NOS1: variants seen among roughly 807,000 people sequenced by gnomAD.
NOS1 encodes nitric oxide synthase 1.
NOS1 carries 51 observed loss-of-function variants against 164.5 expected under a neutral mutation model. The observed-to-expected ratio is 0.31, with a 90% CI of 0.25 to 0.39. The LOEUF is 0.39. Among genes scored for constraint, NOS1 ranks in the 10% least tolerant of loss-of-function variants. The probability of loss-of-function intolerance (pLI) is 1.00; values close to 1 mark genes in which losing one functional copy is unlikely to be tolerated. For missense variants in NOS1, 1,362 were observed against 1,885.6 expected, an observed-to-expected ratio of 0.72 and a Z score of 5.14; for synonymous variants, 719 against 745.8, an observed-to-expected ratio of 0.96 and a Z score of 0.59.
intron 11 of NOS1, among the ~76,000 whole-genome samples, chr12:117,266,666 T>C (rs1872444708): frequency 6.6e-6 from 1 of 151,912 alleles, no homozygotes; most frequent in African/African-American, 2.4e-5. Context: ...GCCTCCTGAG[T>C]AGCTGGGATT....
At chr12:117,278,333 A>T (rs993545710) in intron 8 of NOS1, among the ~76,000 whole-genome samples, 12 of 152,184 alleles carry the variant, frequency 7.9e-5, no homozygotes. Flanking sequence ...AATAGCAAAA[A>T]CCACAATTAT....
intron 10 of NOS1, among the ~76,000 whole-genome samples, chr12:117,268,693 C>A (rs1272642668): frequency 6.7e-6 from 1 of 148,802 alleles, no homozygotes; most frequent in African/African-American, 2.5e-5. Flanking sequence ...GGGTTCATGC[C>A]ATTCTCCTGC....
chr12:117,259,625 C>T (rs1423242691), intron 14 of NOS1, among the ~76,000 whole-genome samples: 1 of 152,156 alleles, frequency 6.6e-6, no homozygotes, highest in Non-Finnish European at 1.5e-5. Context: ...AAGATGATTG[C>T]CCTGTGTCTC....
intron 3 of NOS1, among the ~76,000 whole-genome samples, chr12:117,293,151 C>T (rs762541064): frequency 2.0e-5 from 3 of 152,120 alleles, no homozygotes; most frequent in Non-Finnish European, 2.9e-5. Flanking sequence ...GCATTCATGG[C>T]GCCATGTTGG....
At chr12:117,269,835 A>G (rs1421577687) in intron 10 of NOS1, among the ~76,000 whole-genome samples, 1 of 152,146 alleles carries the variant, frequency 6.6e-6, no homozygotes, top group African/African-American at 2.4e-5. Flanking sequence ...AAAGCTCTTC[A>G]TCTATCCTAC....
chr12:117,225,517 A>G (rs9658509), intron 24 of NOS1, among the ~76,000 whole-genome samples: 1 of 152,222 alleles, frequency 6.6e-6, no homozygotes, highest in Non-Finnish European at 1.5e-5. Flanking sequence ...CCAGGAGTAC[A>G]TGTGAGTTGT....
chr12:117,273,071 T>C (rs1449823311), intron 9 of NOS1, among the ~76,000 whole-genome samples: 1 of 152,188 alleles, frequency 6.6e-6, no homozygotes, highest in Non-Finnish European at 1.5e-5. Flanking sequence ...CATACTTTAA[T>C]TGTCAGCTAA....
chr12:117,279,972 G>A lies in NOS1; in HGVS notation c.1524+753C>T, dbSNP rs9658368. Among the ~76,000 whole-genome samples, 1,374 of 152,374 alleles carry A rather than the reference G, an allele frequency of 9.0e-3. 14 individuals are homozygous for A. The highest frequency in any genetic ancestry group is 0.015 in the Non-Finnish European group (1,017 of 68,042). On this transcript the variant is annotated intron_variant, in intron 8 of 28. Coordinates refer to ENST00000317775, the MANE Select transcript of NOS1 (RefSeq NM_000620.5). ...CCCGGGAGGGGCTTGAGCAAAGGAC[G>A]ACGGTGAAATTCAGCGGGGTATTAT... is the stretch of plus-strand genomic sequence containing the variant.
chr12:117,341,823 G>A (rs1232687154), intron 1 of NOS1, among the ~76,000 whole-genome samples: 1 of 152,130 alleles, frequency 6.6e-6, no homozygotes, highest in Non-Finnish European at 1.5e-5. Context: ...CCTTAAAGAT[G>A]GAAACCAATA....
intron 3 of NOS1, among the ~76,000 whole-genome samples, chr12:117,299,639 AAAAAAAAAAAG>A (rs1197114796): frequency 6.9e-6 from 1 of 145,338 alleles, no homozygotes; most frequent in Non-Finnish European, 1.5e-5. Context: ...TGTCTCCAAA[AAAAAAAAAAAG>A]AAAAAAAGAA....
intron 14 of NOS1, 41 bp downstream of exon 14, chr12:117,260,424 A>G (rs759688257): frequency 6.2e-7 from 1 of 1,604,334 alleles, no homozygotes; most frequent in Non-Finnish European, 8.5e-7. Context: ...GCCTTAATTC[A>G]CCATGAGAAG....
intron 17 of NOS1, 84 bp downstream of exon 17, chr12:117,253,554 C>G: frequency 1.1e-6 from 1 of 907,194 alleles, no homozygotes; most frequent in Non-Finnish European, 1.8e-6. Flanking sequence ...CTCTCCACAA[C>G]GAAGCGCTCA....
At chr12:117,265,698 C>T (rs1566048022) in intron 11 of NOS1, among the ~76,000 whole-genome samples, 188 bp from the exon 12 acceptor site, 1 of 152,174 alleles carries the variant, frequency 6.6e-6, no homozygotes, top group Admixed American at 6.5e-5. Flanking sequence ...AGAAAGTCTT[C>T]GTTGGGTGCT....
Position 117,208,904 on chromosome 12 carries a change from G to T in NOS1, c.*6405C>A. 1.6e-6 allele frequency: 1 copy of T among 633,520 alleles called. No individual in the cohort carries two copies. Among genetic ancestry groups the T allele is most frequent in the Non-Finnish European group, 2.0e-6 (1 of 508,194 alleles). The allele number at this position is 633,520 out of a possible 1,614,324, so 39.2% of individuals were successfully genotyped here. Reference sequence around the variant, plus strand: ...CGCCGGGCTGATTTTTGTATTTTTAGTAGAGACGAGGTTTTGCCATGTTAG... The same window carrying T: ...CGCCGGGCTGATTTTTGTATTTTTATTAGAGACGAGGTTTTGCCATGTTAG... On this transcript the variant is annotated 3_prime_UTR_variant, in exon 29 of 29. Transcript: ENST00000317775.
chr12:117,305,847 A>G (rs1874116236), intron 3 of NOS1, among the ~76,000 whole-genome samples: 1 of 147,906 alleles, frequency 6.8e-6, no homozygotes, highest in Admixed American at 6.8e-5. Context: ...GCTGGAGTGC[A>G]GTGGTGCAGT....
At chr12:117,248,567 G>A (rs1276663144) in intron 17 of NOS1, among the ~76,000 whole-genome samples, 1 of 151,106 alleles carries the variant, frequency 6.6e-6, no homozygotes, top group Non-Finnish European at 1.5e-5. Context: ...TGGTGTATAT[G>A]TGCCACATTT....
Position 117,330,865 on chromosome 12 carries a change from C to T in NOS1, c.205G>A (p.Gly69Ser), listed in dbSNP as rs777633286. 2.9e-5 allele frequency: 47 copies of T among 1,614,014 alleles called. No homozygotes were observed. Among genetic ancestry groups the T allele is most frequent in the Non-Finnish European group, 3.5e-5 (41 of 1,180,020 alleles). ...TAGCTCAGGTCCACCAAGGGCCGGCCGTTGACCGCAAGAATGATGTCTCCG... is the reference window on the plus strand; with the variant it reads ...TAGCTCAGGTCCACCAAGGGCCGGCTGTTGACCGCAAGAATGATGTCTCCG... ...QAGDIILAVN[G>S]RPLVDLSYDS... The change falls in exon 2 of 29, where the codon GGC (glycine) becomes AGC (serine). Residue 69 changes from glycine to serine, a missense_variant. Coordinates refer to ENST00000317775, the MANE Select transcript of NOS1 (RefSeq NM_000620.5). This position sits in a 1 kb window ranked among gnomAD's most constrained non-coding sequence, Gnocchi z 4.6.
At chr12:117,358,359 T>C (rs909184718) in intron 1 of NOS1, among the ~76,000 whole-genome samples, 2 of 152,102 alleles carry the variant, frequency 1.3e-5, no homozygotes, top group African/African-American at 4.8e-5. Flanking sequence ...CGTGCGGTCC[T>C]TCCCCAAGGA....
intron 3 of NOS1, among the ~76,000 whole-genome samples, chr12:117,293,722 A>G (rs985968388): frequency 7.3e-5 from 11 of 151,488 alleles, no homozygotes; most frequent in Non-Finnish European, 1.6e-4. Context: ...TTGTATTATT[A>G]TTACTTATAT....
Sources: allele counts gnomAD v4.1 joint callset (sites outside exome capture counted in the v4.1 genomes callset), GRCh38; gene constraint gnomAD v4.1.1; non-coding constraint Gnocchi (gnomAD v3.1); transcripts MANE v1.5; gene names NCBI Gene and HGNC (gene_info 2026-07-23, HGNC 2026-07-21).